UTP14A: variants seen among roughly 807,000 people sequenced by gnomAD.
The protein encoded by UTP14A is UTP14A small subunit processome component.
Under a neutral mutation model 57.2 loss-of-function variants are expected in UTP14A, and 5 were observed. The ratio of observed to expected loss-of-function variants is 0.09; its 90% CI spans 0.05 to 0.18. The LOEUF is 0.18. Ranked by LOEUF, UTP14A falls within the 10% of genes least tolerant of loss-of-function variation. The pLI is 1.00. For synonymous variants in UTP14A, 169 were observed against 210.9 expected, an observed-to-expected ratio of 0.80 and a Z score of 1.72; for missense variants, 430 against 562.1, an observed-to-expected ratio of 0.76 and a Z score of 2.38.
At chrX:129,924,331 G>A (rs776273780) in intron 11 of UTP14A, among the ~76,000 whole-genome samples, 31 of 97,216 alleles carry the variant, frequency 3.2e-4, no homozygotes, top group Admixed American at 7.1e-4. Context: ...CTGTCACCTA[G>A]GCTGGAGTGC....
intron 6 of UTP14A, among the ~76,000 whole-genome samples, chrX:129,912,127 T>C (rs1386365293): frequency 9.2e-6 from 1 of 109,191 alleles, no homozygotes; most frequent in Non-Finnish European, 1.9e-5. Flanking sequence ...TTTTTTTTTT[T>C]CTTGAGACAG....
Position 129,926,096 on chromosome X carries a change from G to A in UTP14A, c.1927G>A (p.Ala643Thr), listed in dbSNP as rs1186794604. Residue 643 changes from alanine to threonine, a missense_variant, in exon 13 of 15, where the codon GCC (alanine) becomes ACC (threonine). Physicochemically the swap from Ala to Thr is moderately conservative, Grantham distance 58 (BLOSUM62 0). This residue lies in a region of UTP14A where 82 missense variants were observed against 151.4 expected (regional missense o/e 0.54). Coordinates refer to ENST00000394422, the MANE Select transcript of UTP14A (RefSeq NM_006649.4). ...GGGTGGTGTGGGCCTAAAGCCCAGT[G>A]CCAAGAAAAGACGCCGGTAAGAATG... The part of the protein sequence containing the change: ...EWGGVGLKPS[A>T]KKRRRFLIKA... 1 of 1,210,902 alleles carries A rather than the reference G, an allele frequency of 8.3e-7. No homozygotes were observed.
chrX:129,919,556 C>G, intron 8 of UTP14A, 67 bp downstream of exon 8: 2 of 1,108,555 alleles, frequency 1.8e-6, no homozygotes, highest in Non-Finnish European at 2.4e-6. Flanking sequence ...ATCATGAATT[C>G]TTTGGAGAGA....
intron 6 of UTP14A, chrX:129,913,464 C>G (rs780220366): frequency 3.6e-5 from 12 of 331,721 alleles, no homozygotes; most frequent in Non-Finnish European, 6.6e-5. Flanking sequence ...TTGATTCCAC[C>G]CGTGCCCCAT....
At chrX:129,909,967 G>A (rs1305560666) in intron 4 of UTP14A, among the ~76,000 whole-genome samples, 1 of 112,227 alleles carries the variant, frequency 8.9e-6, no homozygotes, top group African/African-American at 3.2e-5. Flanking sequence ...CGAATAAGAT[G>A]TGAGCTCATG....
intron 4 of UTP14A, among the ~76,000 whole-genome samples, chrX:129,910,005 A>G (rs1449939760): frequency 2.7e-5 from 3 of 112,204 alleles, no homozygotes; most frequent in Admixed American, 9.5e-5. Context: ...AAGGGAGACA[A>G]TAAGAGAGGA....
At chrX:129,929,019 C>T (rs1930218168) in intron 14 of UTP14A, among the ~76,000 whole-genome samples, 1 of 111,010 alleles carries the variant, frequency 9.0e-6, no homozygotes, top group African/African-American at 3.3e-5. Flanking sequence ...GCCTGGGCCA[C>T]AGAGTGAGAC....
In UTP14A at chrX:129,920,966, CT is replaced by C. The variant is rs1036199153; in HGVS notation, c.954+219del. 3 of 751,330 alleles carry C rather than the reference CT, an allele frequency of 4.0e-6. No homozygotes were observed. The African/African-American group carries it at 6.9e-5, about 17-fold the overall frequency. The allele number at this position is 751,330 out of a possible 1,213,427, so 61.9% of individuals were successfully genotyped here. ...AGGCAAGTCCAAAGGGGGAGAGGAG[CT>C]TTTTAAAATCTTATTTCACCGTTGA... is the stretch of plus-strand genomic sequence containing the variant. On this transcript the variant is annotated intron_variant, in intron 10 of 14. Transcript: ENST00000394422.
rs749996404 is a variant in UTP14A at position 129,907,455 on chromosome X, T to C, written c.102+13T>C. The C allele has an allele frequency of 1.7e-6, 2 of 1,190,527 alleles. No individual in the cohort carries two copies. The highest frequency in any genetic ancestry group is 1.1e-6 in the Non-Finnish European group (1 of 879,998). ...GAGTGAAGATGAGGTGGGTGACAAT[T>C]GCTAAACTGCCTTCAAAATTAGGGT... On this transcript the variant is annotated intron_variant, in intron 2 of 14. Transcript: ENST00000394422.
rs1929903383 is a variant in UTP14A at position 129,921,334 on chromosome X, G to A, written c.1095G>A (p.Val365=). 1 of 1,209,855 alleles carries A rather than the reference G, an allele frequency of 8.3e-7. No homozygotes were observed. Among genetic ancestry groups the A allele is most frequent in the African/African-American group, 1.8e-5 (1 of 57,090 alleles). Residue 365 remains valine (V), a synonymous_variant, in exon 11 of 15, where the codon GTG becomes GTA. Coordinates refer to ENST00000394422, the MANE Select transcript of UTP14A (RefSeq NM_006649.4). ...TTGTCCCTGATGTAGTGAATGAAGT[G>A]CAGATGAATGCAGATGGGCCGAATC... is the stretch of plus-strand genomic sequence containing the variant. ...ELLVPDVVNE[V]QMNADGPNPW... is the part of the protein sequence containing the mutation.
chrX:129,924,278 T>G (rs770568256), intron 11 of UTP14A, among the ~76,000 whole-genome samples: 87 of 100,916 alleles, frequency 8.6e-4, no homozygotes, highest in African/African-American at 3.1e-3. Context: ...ACATCTCACA[T>G]GCTACTTTTT....
chrX:129,921,784 A>T, intron 11 of UTP14A, 197 bp downstream of exon 11: 1 of 463,985 alleles, frequency 2.2e-6, no homozygotes, highest in East Asian at 3.9e-5. Flanking sequence ...ATAAGCAGTC[A>T]TCTGCATGGC....
Position 129,920,667 on chromosome X carries a change from C to T in UTP14A, c.877-8C>T. 1 of 1,100,904 alleles carries T rather than the reference C, an allele frequency of 9.1e-7. No homozygotes were observed. The highest frequency in any genetic ancestry group is 1.2e-6 in the Non-Finnish European group (1 of 827,962). The allele number at this position is 1,100,904 out of a possible 1,213,427, so 90.7% of individuals were successfully genotyped here. A position where few individuals can be genotyped will look rare whatever the true frequency, so the allele number is the denominator to read the frequency against. On this transcript the variant is annotated splice_region_variant and splice_polypyrimidine_tract_variant and intron_variant, in intron 9 of 14. Coordinates refer to ENST00000394422, the MANE Select transcript of UTP14A (RefSeq NM_006649.4). ...AGATGTAAATCTCACTCTGTCCTTT[C>T]TTTCTAGGAAAGAATGAGCCTTAAG...
intron 5 of UTP14A, 138 bp downstream of exon 5, chrX:129,911,288 A>T: frequency 1.1e-6 from 1 of 891,634 alleles, no homozygotes; most frequent in Non-Finnish European, 1.5e-6. Context: ...TAAGATTAAA[A>T]ATAATCTAGG....
At chrX:129,920,955 G>T (rs192615388) in intron 10 of UTP14A, 161 of 752,422 alleles carry the variant, frequency 2.1e-4, no homozygotes, top group Admixed American at 1.9e-3. Flanking sequence ...AAGTCCAAAG[G>T]GGGAGAGGAG....
rs770044587 is a variant in UTP14A, at chrX:129,926,123, C to T, written c.1943+11C>T. The T allele has an allele frequency of 1.6e-5, 19 of 1,208,463 alleles. No individual in the cohort carries two copies. Among genetic ancestry groups the T allele is most frequent in the Non-Finnish European group, 2.0e-5 (18 of 894,338 alleles). Reference sequence around the variant, plus strand: ...CAAGAAAAGACGCCGGTAAGAATGCCGAAGAAAGTCTGTCAAAAGGGCACC... The same window carrying T: ...CAAGAAAAGACGCCGGTAAGAATGCTGAAGAAAGTCTGTCAAAAGGGCACC... On this transcript the variant is annotated intron_variant, in intron 13 of 14. Transcript: ENST00000394422.
At chrX:129,908,003 C>G (rs1929318234) in intron 2 of UTP14A, 57 bp from the exon 3 acceptor site, 2 of 979,753 alleles carry the variant, frequency 2.0e-6, no homozygotes, top group African/African-American at 3.9e-5. Flanking sequence ...GACTCAATTT[C>G]CATGTTGTCT....
intron 8 of UTP14A, among the ~76,000 whole-genome samples, chrX:129,919,916 C>T (rs912712384): frequency 3.6e-5 from 4 of 111,209 alleles, no homozygotes; most frequent in African/African-American, 6.6e-5. Flanking sequence ...TGGCTGGGCA[C>T]GGTGGCTCAC....
At chrX:129,921,141 T>C (rs999343547) in intron 10 of UTP14A, 53 bp from the exon 11 acceptor site, 2 of 1,157,363 alleles carry the variant, frequency 1.7e-6, no homozygotes, top group Non-Finnish European at 2.3e-6. Flanking sequence ...CCAGGAAAGG[T>C]GTTATTGCGG....
Sources: allele counts gnomAD v4.1 joint callset (sites outside exome capture counted in the v4.1 genomes callset), GRCh38; gene constraint gnomAD v4.1.1; regional missense constraint gnomAD v4.1.1; transcripts MANE v1.5; gene names NCBI Gene and HGNC (gene_info 2026-07-23, HGNC 2026-07-21).